The following MYLK4 variants were observed in gnomAD, a reference collection of about 807,000 sequenced individuals.
MYLK4 encodes the protein myosin light chain kinase family member 4.
Under a neutral mutation model 48.1 loss-of-function variants are expected in MYLK4, and 46 were observed. That is an observed-to-expected ratio of 0.96 (90% CI 0.75 to 1.22). The LOEUF (loss-of-function observed/expected upper bound fraction) is 1.22. Ranked by LOEUF, MYLK4 falls within the 50% of genes most tolerant of loss-of-function variation. MYLK4 has a pLI of 0.00. For synonymous variants in MYLK4, 170 were observed against 180.8 expected (o/e 0.94, Z 0.48); for missense variants, 451 against 486.1 (o/e 0.93, Z 0.68).
the MYLK4 span, chr6:2,768,650 C>T: frequency 6.5e-7 from 1 of 1,539,700 alleles, no homozygotes; most frequent in East Asian, 2.3e-5. Context: ...CTCTCTGTGT[C>T]TTACCAGCTT....
chr6:2,715,032 C>T (rs4959707), intron 2 of MYLK4, among the ~76,000 whole-genome samples: 129,462 of 151,880 alleles, frequency 0.85, 55,265 homozygotes, highest in Admixed American at 0.89. Flanking sequence ...TGGGAGGCCA[C>T]GGTGGGCAGA....
At chr6:2,770,255 G>A in the MYLK4 span, 1 of 1,614,160 alleles carries the variant, frequency 6.2e-7, no homozygotes. Context: ...TCCAGTAGAG[G>A]CAATGGTGAC....
At chr6:2,741,181 C>A (rs1415266744) in intron 2 of MYLK4, among the ~76,000 whole-genome samples, 1 of 151,864 alleles carries the variant, frequency 6.6e-6, no homozygotes, top group Non-Finnish European at 1.5e-5. Context: ...AAAAAAAGAT[C>A]TGGGAAACTA....
At chr6:2,738,041 T>C (rs1245768811) in intron 2 of MYLK4, among the ~76,000 whole-genome samples, 1 of 132,314 alleles carries the variant, frequency 7.6e-6, no homozygotes, top group South Asian at 2.5e-4. Context: ...AGAGGCTAAA[T>C]AATATCCTTG....
intron 2 of MYLK4, among the ~76,000 whole-genome samples, chr6:2,735,120 G>A (rs970184542): frequency 6.6e-6 from 1 of 152,228 alleles, no homozygotes; most frequent in African/African-American, 2.4e-5. Flanking sequence ...TTTGGGCAAT[G>A]CCTCTTAGCC....
the MYLK4 span, chr6:2,765,560 A>C: frequency 1.4e-6 from 2 of 1,382,734 alleles, no homozygotes; most frequent in Non-Finnish European, 9.3e-7. Flanking sequence ...AGGGCATCGA[A>C]GGCCTCCGCG....
intron 2 of MYLK4, among the ~76,000 whole-genome samples, chr6:2,745,924 CAAA>C (rs1224875872): frequency 1.7e-5 from 2 of 119,562 alleles, no homozygotes; most frequent in Non-Finnish European, 3.5e-5. Flanking sequence ...GAAGCTGTCT[CAAA>C]AAAAAAAAAA....
At chr6:2,744,812 A>G (rs1280960493) in intron 2 of MYLK4, among the ~76,000 whole-genome samples, 1 of 152,222 alleles carries the variant, frequency 6.6e-6, no homozygotes, top group Non-Finnish European at 1.5e-5. Flanking sequence ...AACTTAAGCC[A>G]GGTTTTAAAA....
chr6:2,761,508 G>A, the MYLK4 span, among the ~76,000 whole-genome samples: 1 of 152,292 alleles, frequency 6.6e-6, no homozygotes, highest in Non-Finnish European at 1.5e-5. Flanking sequence ...TTCAGACAGA[G>A]GGGACTAGGG....
At chr6:2,744,009 C>T (rs115937941) in intron 2 of MYLK4, 5,039 of 399,006 alleles carry the variant, frequency 0.013, 65 homozygotes, top group Non-Finnish European at 0.013. Context: ...ACAACCCAGA[C>T]GTCTTTTCTT....
At position 2,665,514 on chromosome 6, in the gene MYLK4, A is replaced by G. The variant is rs1223886895; in HGVS notation, c.*2411T>C. The G allele has an allele frequency of 2.0e-5, 3 of 152,180 alleles. No homozygotes were observed. The highest frequency in any genetic ancestry group is 4.4e-5 in the Non-Finnish European group (3 of 68,032). 9.4% of individuals were successfully genotyped at this position (152,180 alleles called of 1,614,324 possible). A position where few individuals can be genotyped will look rare whatever the true frequency, so the allele number is the denominator to read the frequency against. On this transcript the variant is annotated 3_prime_UTR_variant, in exon 13 of 13. Coordinates refer to ENST00000274643, the MANE Select transcript of MYLK4 (RefSeq NM_001012418.5). ...GTCTCCTTTCTAAACCTCAAAACAAAACAAAAATCACACCCACTCACTGCA... is the reference window on the plus strand; with the variant it reads ...GTCTCCTTTCTAAACCTCAAAACAAGACAAAAATCACACCCACTCACTGCA...
intron 2 of MYLK4, among the ~76,000 whole-genome samples, chr6:2,719,668 T>C (rs4959206): frequency 0.85 from 129,701 of 152,090 alleles, 55,395 homozygotes; most frequent in Admixed American, 0.89. Context: ...CTCAACAAAT[T>C]CAAGTTCAGG....
At chr6:2,765,479 G>A in the MYLK4 span, 1 of 1,070,192 alleles carries the variant, frequency 9.3e-7, no homozygotes, top group Non-Finnish European at 1.2e-6. Context: ...GGCATGAGCG[G>A]CGCCCTCCTC....
chr6:2,745,289 A>G (rs1004615621), intron 2 of MYLK4, among the ~76,000 whole-genome samples: 1 of 152,192 alleles, frequency 6.6e-6, no homozygotes, highest in African/African-American at 2.4e-5. Context: ...TACTATATAG[A>G]TAACAGAGAA....
At chr6:2,730,872 G>T (rs925851213) in intron 2 of MYLK4, among the ~76,000 whole-genome samples, 7 of 152,164 alleles carry the variant, frequency 4.6e-5, no homozygotes, top group African/African-American at 1.7e-4. Context: ...CGTGAAGGAT[G>T]AAAGGGCCAC....
chr6:2,734,694 G>A (rs1582113606), intron 2 of MYLK4, among the ~76,000 whole-genome samples: 1 of 152,002 alleles, frequency 6.6e-6, no homozygotes, highest in African/African-American at 2.4e-5. Flanking sequence ...AATGTAATAT[G>A]CATATGAATA....
intron 2 of MYLK4, among the ~76,000 whole-genome samples, chr6:2,726,729 C>T (rs1178624111): frequency 3.3e-5 from 5 of 151,776 alleles, no homozygotes; most frequent in African/African-American, 1.2e-4. Context: ...TCTCCTGCCT[C>T]AGCCTCCTGA....
chr6:2,704,057 A>G (rs1311145160), intron 2 of MYLK4, among the ~76,000 whole-genome samples: 2 of 152,070 alleles, frequency 1.3e-5, no homozygotes, highest in African/African-American at 4.8e-5. Context: ...CACTGTGTTG[A>G]ATGATTTGTT....
Position 2,683,128 on chromosome 6 carries a change from C to A in MYLK4, c.580G>T (p.Asp194Tyr). ...DGGELFDRII[D>Y]ESYNLTELDT... ...AGCTCCGTCAAATTGTAGCTCTCAT[C>A]GATGATGCGGTCAAACAGCTCCCCA... The change falls in exon 7 of 13, where the codon GAT becomes TAT. Residue 194 changes from aspartate (D) to tyrosine (Y), a missense_variant. Asp to Tyr is a radical substitution (Grantham distance 160). Transcript: ENST00000274643. The A allele has an allele frequency of 2.5e-6, 4 of 1,614,054 alleles. No individual in the cohort carries two copies. The highest frequency in any genetic ancestry group is 1.6e-4 in the Middle Eastern group (1 of 6,062).
Sources: gnomAD v4.1 joint callset for allele counts (sites outside exome capture counted in the v4.1 genomes callset) on GRCh38, gnomAD v4.1.1 for gene constraint, MANE v1.5 for transcripts, NCBI Gene and HGNC (gene_info 2026-07-23, HGNC 2026-07-21) for gene names.